ZNF292: variants seen among roughly 807,000 people sequenced by gnomAD.
ZNF292 encodes zinc finger protein 292.
ZNF292 carries 26 observed loss-of-function variants against 217.9 expected under a neutral mutation model. The observed-to-expected ratio is 0.12, with a 90% confidence interval of 0.09 to 0.17. The LOEUF (loss-of-function observed/expected upper bound fraction) is 0.17. ZNF292 is among the 10% of genes least tolerant of loss of function. ZNF292 has a pLI of 1.00. For missense variants in ZNF292, 2,904 were observed against 3,175.2 expected, an observed-to-expected ratio of 0.91 and a Z score of 2.05; for synonymous variants, 1,257 against 1,124.1, an observed-to-expected ratio of 1.12 and a Z score of -2.37.
chr6:87,202,820 GAGAA>G (rs1772134373), intron 1 of ZNF292, among the ~76,000 whole-genome samples: 1 of 151,856 alleles, frequency 6.6e-6, no homozygotes, highest in Non-Finnish European at 1.5e-5. Flanking sequence ...TAAGGGGGGA[GAGAA>G]AGAGACCACA....
chr6:87,244,723 T>C (rs1043770171), intron 6 of ZNF292, among the ~76,000 whole-genome samples: 10 of 152,216 alleles, frequency 6.6e-5, no homozygotes, highest in Non-Finnish European at 1.5e-4. Flanking sequence ...TTTGTCATCA[T>C]TGGTTCTTAT....
Position 87,255,110 on chromosome 6 carries a change from T to G in ZNF292, c.1481T>G (p.Met494Arg). The G allele has an allele frequency of 6.2e-7, 1 of 1,613,720 alleles. No homozygotes were observed. Among genetic ancestry groups the G allele is most frequent in the Non-Finnish European group, 8.5e-7 (1 of 1,179,850 alleles). ...DYQEESKETSMNGLSGGVGAN... is the reference protein window; with the variant it reads ...DYQEESKETSRNGLSGGVGAN... ...CAAGAAGAGAGTAAAGAAACTTCTATGAATGGGCTTTCTGGTGGAGTTGGT... is the reference window on the plus strand; with the variant it reads ...CAAGAAGAGAGTAAAGAAACTTCTAGGAATGGGCTTTCTGGTGGAGTTGGT... Residue 494 changes from methionine (M) to arginine (R), a missense_variant, in exon 8 of 8, where the codon ATG becomes AGG. Physicochemically the swap from Met to Arg is moderately conservative, Grantham distance 91. Transcript: ENST00000369577.
At chr6:87,218,906 TTA>T (rs2127805966) in intron 4 of ZNF292, among the ~76,000 whole-genome samples, 175 bp downstream of exon 4, 1 of 152,288 alleles carries the variant, frequency 6.6e-6, no homozygotes, top group Non-Finnish European at 1.5e-5. Context: ...GAAGATGAAT[TTA>T]TACGATTATA....
At chr6:87,207,352 T>C (rs1772289917) in intron 1 of ZNF292, among the ~76,000 whole-genome samples, 1 of 152,166 alleles carries the variant, frequency 6.6e-6, no homozygotes, top group Non-Finnish European at 1.5e-5. Context: ...TTTTGATAGG[T>C]TGTGTTTTTG....
intron 3 of ZNF292, among the ~76,000 whole-genome samples, chr6:87,216,848 G>A (rs62439537): frequency 1.3e-5 from 2 of 151,872 alleles, no homozygotes; most frequent in Non-Finnish European, 2.9e-5. Flanking sequence ...GTAGTTATTC[G>A]AACTAAGGTT....
In ZNF292 at chr6:87,245,617, C is replaced by T. The variant is rs746015025; in HGVS notation, c.993C>T (p.Phe331=). 6.6e-7 allele frequency: 1 copy of T among 1,525,008 alleles called. No individual in the cohort carries two copies. The highest frequency in any genetic ancestry group is 8.9e-7 in the Non-Finnish European group (1 of 1,120,344). The allele number at this position is 1,525,008 out of a possible 1,614,324, so 94.5% of individuals were successfully genotyped here. A position where few individuals can be genotyped will look rare whatever the true frequency, so the allele number is the denominator to read the frequency against. ...SLLTKTVYHI[F]FLIKVINSET... is the part of the protein sequence containing the mutation. ...TAACGAAAACAGTATATCACATTTT[C>T]TTCCTGATTAAAGTTATTAATTCAG... Residue 331 remains phenylalanine, a synonymous_variant, in exon 7 of 8, where the codon TTC becomes TTT. Transcript: ENST00000369577.
At chr6:87,228,707 C>G (rs1343864494) in intron 4 of ZNF292, among the ~76,000 whole-genome samples, 1 of 152,112 alleles carries the variant, frequency 6.6e-6, no homozygotes, top group African/African-American at 2.4e-5. Context: ...ATTGAGTCAC[C>G]TTGGCACCCT....
chr6:87,195,331 T>G (rs1771924990), intron 1 of ZNF292, among the ~76,000 whole-genome samples: 2 of 152,200 alleles, frequency 1.3e-5, no homozygotes, highest in South Asian at 4.1e-4. Flanking sequence ...AAAATTCTGG[T>G]ACAAATTGGG....
Position 87,264,034 on chromosome 6 carries a change from GTATACTAAAGGTAAT to G in ZNF292, c.*2237_*2251del, listed in dbSNP as rs1775735294. The G allele has an allele frequency of 6.6e-6, 1 of 152,036 alleles. No homozygotes were observed. Among genetic ancestry groups the G allele is most frequent in the Non-Finnish European group, 1.5e-5 (1 of 68,012 alleles). The allele number at this position is 152,036 out of a possible 1,614,324, so 9.4% of individuals were successfully genotyped here. A position where few individuals can be genotyped will look rare whatever the true frequency, so the allele number is the denominator to read the frequency against. ...ATGAAATTTTTATATTCCAGGTAAT[GTATACTAAAGGTAAT>G]TATGAGAGTGGGCTTTTTAGCATGA... On this transcript the variant is annotated 3_prime_UTR_variant, in exon 8 of 8. Transcript: ENST00000369577.
chr6:87,223,926 T>TA (rs1773216823), intron 4 of ZNF292: 1 of 152,222 alleles, frequency 6.6e-6, no homozygotes. Context: ...TTAAACTAAA[T>TA]ATGAATTCTT....
At chr6:87,248,034 T>G (rs1774695173) in intron 7 of ZNF292, among the ~76,000 whole-genome samples, 1 of 152,222 alleles carries the variant, frequency 6.6e-6, no homozygotes, top group African/African-American at 2.4e-5. Context: ...AACTCAAGTT[T>G]CATAAAGTTA....
chr6:87,183,992 G>A (rs1256157297), intron 1 of ZNF292, among the ~76,000 whole-genome samples: 1 of 152,144 alleles, frequency 6.6e-6, no homozygotes, highest in Non-Finnish European at 1.5e-5. Flanking sequence ...TGTAAAAAAA[G>A]GACATCTCCA....
intron 1 of ZNF292, among the ~76,000 whole-genome samples, chr6:87,175,171 C>T (rs918636686): frequency 6.6e-6 from 1 of 152,164 alleles, no homozygotes; most frequent in African/African-American, 2.4e-5. Flanking sequence ...TTTGCCCCTT[C>T]CTCTGACTTC....
At chr6:87,230,080 A>G in intron 4 of ZNF292, among the ~76,000 whole-genome samples, 1 of 152,152 alleles carries the variant, frequency 6.6e-6, no homozygotes, top group Non-Finnish European at 1.5e-5. Context: ...TCTGGGTGAA[A>G]AGGAGGTAGG....
At chr6:87,212,773 A>G (rs1772559013) in intron 1 of ZNF292, among the ~76,000 whole-genome samples, 2 of 152,216 alleles carry the variant, frequency 1.3e-5, no homozygotes, top group Admixed American at 1.3e-4. Flanking sequence ...TGCTCTAATC[A>G]AAATCACCAT....
At chr6:87,180,124 C>G (rs7749657) in intron 1 of ZNF292, among the ~76,000 whole-genome samples, 156 of 152,252 alleles carry the variant, frequency 1.0e-3, no homozygotes, top group African/African-American at 3.6e-3. Context: ...ATAACATACA[C>G]TAACAATAGC....
At chr6:87,242,811 G>A (rs1441083783) in intron 5 of ZNF292, among the ~76,000 whole-genome samples, 3 of 152,138 alleles carry the variant, frequency 2.0e-5, no homozygotes, top group African/African-American at 7.2e-5. Flanking sequence ...AATCATAGAT[G>A]TAAGTGCATC....
chr6:87,221,320 T>G (rs1204465335), intron 4 of ZNF292, among the ~76,000 whole-genome samples: 1 of 152,196 alleles, frequency 6.6e-6, no homozygotes, highest in Non-Finnish European at 1.5e-5. Flanking sequence ...ATGCCTCTCT[T>G]TAGTCATAAT....
chr6:87,263,949 T>C lies in ZNF292; in HGVS notation c.*2148T>C, dbSNP rs977136832. On this transcript the variant is annotated 3_prime_UTR_variant, in exon 8 of 8. Coordinates refer to ENST00000369577, the MANE Select transcript of ZNF292 (RefSeq NM_015021.3). ...TCTTTTGCTCATTAGCTTAAGAAAA[T>C]TTATAACTAGACATTTCTAATTGTT... 3.9e-5 allele frequency: 6 copies of C among 152,082 alleles called. No homozygotes were observed. The highest frequency in any genetic ancestry group is 8.8e-5 in the Non-Finnish European group (6 of 67,988). 9.4% of individuals were successfully genotyped at this position (152,082 alleles called of 1,614,324 possible). A position where few individuals can be genotyped will look rare whatever the true frequency, so the allele number is the denominator to read the frequency against.
Sources: allele counts gnomAD v4.1 joint callset (sites outside exome capture counted in the v4.1 genomes callset), GRCh38; gene constraint gnomAD v4.1.1; transcripts MANE v1.5; gene names NCBI Gene and HGNC (gene_info 2026-07-23, HGNC 2026-07-21).